Variants in VEGFC observed in about 807,000 individuals in gnomAD.
The protein encoded by VEGFC is FLT4 ligand DHM.
A neutral mutation model predicts 46.1 loss-of-function variants in VEGFC; 12 were observed. The observed-to-expected ratio is 0.26, with a 90% CI of 0.17 to 0.42. The LOEUF is 0.42. Among genes scored for constraint, VEGFC ranks in the 10% least tolerant of loss-of-function variants. VEGFC has a pLI of 1.00. For synonymous variants in VEGFC, 232 were observed against 195.5 expected (o/e 1.19, Z -1.56); for missense variants, 488 against 529.4 (o/e 0.92, Z 0.77).
intron 3 of VEGFC, among the ~76,000 whole-genome samples, chr4:176,721,201 T>C (rs539895648): frequency 6.6e-6 from 1 of 152,224 alleles, no homozygotes; most frequent in Non-Finnish European, 1.5e-5. Context: ...TCCAGATCAT[T>C]GAGGGCCCAG....
chr4:176,781,632 A>C (rs1046423365), intron 1 of VEGFC, among the ~76,000 whole-genome samples: 1 of 152,184 alleles, frequency 6.6e-6, no homozygotes, highest in Non-Finnish European at 1.5e-5. Flanking sequence ...ACTTCAGTTA[A>C]AACAGAGTAG....
At chr4:176,782,779 T>G (rs1308358509) in intron 1 of VEGFC, among the ~76,000 whole-genome samples, 1 of 151,868 alleles carries the variant, frequency 6.6e-6, no homozygotes, top group Non-Finnish European at 1.5e-5. Context: ...GTCTATTTAG[T>G]GTTTAGTGCT....
At position 176,771,601 on chromosome 4, in the gene VEGFC, G is replaced by T. The variant is rs1364410557; in HGVS notation, c.147+20564C>A. ...TTGTATTTCTTTCTCTGTGAGTAAC[G>T]TGTAAGACACTTAAGAGAGGCACAG... On this transcript the variant is annotated intron_variant, in intron 1 of 6. Transcript: ENST00000618562. Among the ~76,000 whole-genome samples the T allele has an allele frequency of 2.6e-5, 4 of 152,090 alleles. No homozygotes were observed. In the East Asian group the frequency reaches 7.7e-4, roughly 29 times the overall value.
At chr4:176,721,190 A>C (rs1219322707) in intron 3 of VEGFC, among the ~76,000 whole-genome samples, 1 of 152,170 alleles carries the variant, frequency 6.6e-6, no homozygotes, top group Non-Finnish European at 1.5e-5. Flanking sequence ...CTTAGGTAGC[A>C]TCCAGATCAT....
At chr4:176,771,767 G>A (rs1392075481) in intron 1 of VEGFC, among the ~76,000 whole-genome samples, 2 of 152,136 alleles carry the variant, frequency 1.3e-5, no homozygotes, top group Admixed American at 1.3e-4. Flanking sequence ...TGTTTTATGG[G>A]AAGAGTGAAT....
Position 176,711,663 on chromosome 4 carries a change from G to C in VEGFC, c.553-13C>G. ...TAATTTCAAATAACTACAAAGAAGG[G>C]ACAAAAAGAAGAAAAAATTATATAG... On this transcript the variant is annotated splice_polypyrimidine_tract_variant and intron_variant, in intron 3 of 6. Transcript: ENST00000618562. 2.5e-6 allele frequency: 4 copies of C among 1,608,226 alleles called. No individual in the cohort carries two copies. The highest frequency in any genetic ancestry group is 3.4e-6 in the Non-Finnish European group (4 of 1,178,046).
chr4:176,687,913 T>A lies in VEGFC; in HGVS notation c.719A>T (p.Asn240Ile), dbSNP rs762706349. The A allele has an allele frequency of 6.2e-7, 1 of 1,612,322 alleles. No individual in the cohort carries two copies. The highest frequency in any genetic ancestry group is 8.5e-7 in the Non-Finnish European group (1 of 1,179,064). Reference protein sequence around the residue: ...PATLPQCQAANKTCPTNYMWN... With the variant: ...PATLPQCQAAIKTCPTNYMWN... Reference sequence around the variant, plus strand: ...CATGTAATTGGTGGGGCAGGTCTTGTTCGCTGCCTGACACCTTTGGAAGAA... The same window carrying A: ...CATGTAATTGGTGGGGCAGGTCTTGATCGCTGCCTGACACCTTTGGAAGAA... Residue 240 changes from asparagine to isoleucine, a missense_variant, in exon 5 of 7, where the codon AAC (asparagine) becomes ATC (isoleucine). Coordinates refer to ENST00000618562, the MANE Select transcript of VEGFC (RefSeq NM_005429.5).
intron 3 of VEGFC, among the ~76,000 whole-genome samples, chr4:176,722,530 C>G (rs1458803598): frequency 7.1e-6 from 1 of 140,736 alleles, no homozygotes; most frequent in Non-Finnish European, 1.5e-5. Context: ...GGGTCTGGCT[C>G]TGTCACCCAG....
intron 1 of VEGFC, among the ~76,000 whole-genome samples, chr4:176,770,832 C>A (rs901937749): frequency 3.9e-5 from 6 of 152,056 alleles, no homozygotes; most frequent in African/African-American, 1.4e-4. Context: ...ACATGAGAAG[C>A]ACCTTCTCCA....
At chr4:176,702,597 T>C (rs1174350614) in intron 4 of VEGFC, among the ~76,000 whole-genome samples, 4 of 152,108 alleles carry the variant, frequency 2.6e-5, no homozygotes, top group African/African-American at 9.7e-5. Flanking sequence ...TAATATCCAA[T>C]TGCTTTCACA....
chr4:176,766,973 C>A (rs200073666), intron 1 of VEGFC, among the ~76,000 whole-genome samples: 1 of 134,274 alleles, frequency 7.4e-6, no homozygotes, highest in Non-Finnish European at 1.7e-5. Flanking sequence ...AAGAAAAAAT[C>A]ACCTTACATT....
intron 1 of VEGFC, among the ~76,000 whole-genome samples, chr4:176,781,054 C>T (rs1384721740): frequency 1.3e-5 from 2 of 152,134 alleles, no homozygotes; most frequent in Non-Finnish European, 2.9e-5. Flanking sequence ...AAAAATATTG[C>T]ATTAAAATTT....
chr4:176,698,846 A>G (rs1466246239), intron 4 of VEGFC, among the ~76,000 whole-genome samples: 1 of 152,106 alleles, frequency 6.6e-6, no homozygotes, highest in African/African-American at 2.4e-5. Flanking sequence ...ACTCAGCACA[A>G]TTTCCTCCAG....
intron 1 of VEGFC, among the ~76,000 whole-genome samples, chr4:176,787,542 C>T (rs1736024536): frequency 1.3e-5 from 2 of 151,628 alleles, no homozygotes; most frequent in South Asian, 4.2e-4. Flanking sequence ...TGGATAACTC[C>T]TAACACCTGA....
intron 4 of VEGFC, among the ~76,000 whole-genome samples, chr4:176,691,597 T>C (rs1024847629): frequency 6.6e-6 from 1 of 152,216 alleles, no homozygotes; most frequent in Non-Finnish European, 1.5e-5. Context: ...AGCTATTGCT[T>C]TATGCTGGTT....
At chr4:176,725,819 G>T (rs1360535723) in intron 3 of VEGFC, among the ~76,000 whole-genome samples, 4 of 151,976 alleles carry the variant, frequency 2.6e-5, no homozygotes, top group Non-Finnish European at 5.9e-5. Context: ...CCATTAAGAG[G>T]TTTGGCTTGA....
At chr4:176,738,146 C>G (rs1735087238) in intron 1 of VEGFC, among the ~76,000 whole-genome samples, 2 of 151,982 alleles carry the variant, frequency 1.3e-5, no homozygotes, top group African/African-American at 4.8e-5. Context: ...TTGATAGATT[C>G]AATGCTATTT....
intron 1 of VEGFC, among the ~76,000 whole-genome samples, chr4:176,753,165 A>C (rs1252867516): frequency 6.6e-6 from 1 of 152,052 alleles, no homozygotes; most frequent in East Asian, 1.9e-4. Flanking sequence ...GTGCTGACTA[A>C]AAATCAAACA....
At chr4:176,691,026 A>C (rs1734167618) in intron 4 of VEGFC, among the ~76,000 whole-genome samples, 1 of 152,216 alleles carries the variant, frequency 6.6e-6, no homozygotes, top group South Asian at 2.1e-4. Context: ...ATACAAACCA[A>C]TAGAATGCAT....
Sources: gnomAD v4.1 joint callset for allele counts (sites outside exome capture counted in the v4.1 genomes callset) on GRCh38, gnomAD v4.1.1 for gene constraint, MANE v1.5 for transcripts, NCBI Gene and HGNC (gene_info 2026-07-23, HGNC 2026-07-21) for gene names.